The following NKAIN3 variants were observed in gnomAD, a reference collection of about 807,000 sequenced individuals.
NKAIN3 encodes the protein sodium/potassium transporting ATPase interacting 3.
A neutral mutation model predicts 30.2 loss-of-function variants in NKAIN3; 25 were observed. The ratio of observed to expected loss-of-function variants is 0.83; its 90% confidence interval spans 0.60 to 1.16. The LOEUF is 1.16. Among genes scored for constraint, NKAIN3 ranks in the 50% most tolerant of loss-of-function variants. The pLI is 0.00. For synonymous variants in NKAIN3, 91 were observed against 89.6 expected (o/e 1.02, Z -0.09); for missense variants, 225 against 254.1 (o/e 0.89, Z 0.78).
chr8:62,865,050 G>C (rs1337794337), intron 4 of NKAIN3, among the ~76,000 whole-genome samples: 1 of 152,120 alleles, frequency 6.6e-6, no homozygotes, highest in African/African-American at 2.4e-5. Flanking sequence ...GGAGAGTCCG[G>C]TTTACTGACC....
chr8:62,499,887 C>A (rs1287655100), intron 1 of NKAIN3, among the ~76,000 whole-genome samples: 2 of 151,204 alleles, frequency 1.3e-5, no homozygotes, highest in Non-Finnish European at 2.9e-5. Context: ...GTGTCCTTGT[C>A]ACAACAACAA....
At chr8:62,431,607 T>A (rs140292810) in intron 1 of NKAIN3, among the ~76,000 whole-genome samples, 5 of 151,866 alleles carry the variant, frequency 3.3e-5, no homozygotes, top group Non-Finnish European at 7.4e-5. Context: ...ATGAACCAAA[T>A]AACATCTTTG....
intron 1 of NKAIN3, among the ~76,000 whole-genome samples, chr8:62,530,289 C>T (rs1248783742): frequency 7.2e-5 from 11 of 152,182 alleles, no homozygotes; most frequent in South Asian, 2.1e-4. Context: ...ATTTCCTACA[C>T]GACTTCAATT....
chr8:62,596,291 G>T (rs1022848592), intron 3 of NKAIN3, among the ~76,000 whole-genome samples: 1 of 151,978 alleles, frequency 6.6e-6, no homozygotes, highest in Non-Finnish European at 1.5e-5. Context: ...CTCCATACTA[G>T]GGGTCCTTCT....
At chr8:62,666,913 A>C (rs1813122250) in intron 3 of NKAIN3, among the ~76,000 whole-genome samples, 1 of 152,120 alleles carries the variant, frequency 6.6e-6, no homozygotes, top group Non-Finnish European at 1.5e-5. Flanking sequence ...TCTGATGCAC[A>C]TGCCCAATTA....
At position 62,974,306 on chromosome 8, in the gene NKAIN3, T is replaced by C. The variant is rs1474003042; in HGVS notation, c.*8899T>C. Among the ~76,000 whole-genome samples the C allele has an allele frequency of 6.6e-6, 1 of 152,180 alleles. No individual in the cohort carries two copies. The highest frequency in any genetic ancestry group is 1.5e-5 in the Non-Finnish European group (1 of 68,022). ...TCTTCCTATCCATGAGCATGGAATG[T>C]TTTTCCATTTGTTTGTGTCCTCTCT... On this transcript the variant is annotated 3_prime_UTR_variant, in exon 7 of 7. Transcript: ENST00000623646.
chr8:62,793,265 C>T (rs550516860), intron 4 of NKAIN3, among the ~76,000 whole-genome samples: 1 of 152,058 alleles, frequency 6.6e-6, no homozygotes, highest in South Asian at 2.1e-4. Context: ...ATGATCCCCA[C>T]CCTGCCTTCC....
chr8:62,511,659 C>T (rs1807817559), intron 1 of NKAIN3, among the ~76,000 whole-genome samples: 1 of 152,166 alleles, frequency 6.6e-6, no homozygotes, highest in South Asian at 2.1e-4. Context: ...CTCCCTCTTG[C>T]TTTCTCTACC....
At chr8:62,513,639 T>A (rs1807882310) in intron 1 of NKAIN3, among the ~76,000 whole-genome samples, 1 of 151,710 alleles carries the variant, frequency 6.6e-6, no homozygotes, top group Admixed American at 6.6e-5. Context: ...GAGGCTGAAG[T>A]GGACAGATAC....
chr8:62,581,471 T>C (rs1428713918), intron 2 of NKAIN3, among the ~76,000 whole-genome samples: 13 of 152,238 alleles, frequency 8.5e-5, no homozygotes, highest in Admixed American at 5.2e-4. Flanking sequence ...TTTTACCCTC[T>C]AAATGTTAAC....
intron 4 of NKAIN3, among the ~76,000 whole-genome samples, chr8:62,770,755 TA>T (rs911258443): frequency 6.8e-6 from 1 of 147,186 alleles, no homozygotes; most frequent in Non-Finnish European, 1.5e-5. Flanking sequence ...CAGCCCAGGA[TA>T]AAAAATAAAA....
Position 62,287,735 on chromosome 8 carries a change from G to T in NKAIN3, c.54+38608G>T, listed in dbSNP as rs1355624693. Among the ~76,000 whole-genome samples, 3 of 151,992 alleles carry T rather than the reference G, an allele frequency of 2.0e-5. No homozygotes were observed. The East Asian group carries it at 5.8e-4, about 29-fold the overall frequency. On this transcript the variant is annotated intron_variant, in intron 1 of 6. Coordinates refer to ENST00000623646, the MANE Select transcript of NKAIN3 (RefSeq NM_001304533.3). The stretch of plus-strand genomic sequence containing the variant: ...AATTTTAGCCTATTAAAATATTCTG[G>T]TGTCTCATAGCCTACAGAAAAAGTG...
At chr8:62,703,064 A>G (rs1383952144) in intron 3 of NKAIN3, among the ~76,000 whole-genome samples, 1 of 152,196 alleles carries the variant, frequency 6.6e-6, no homozygotes, top group Non-Finnish European at 1.5e-5. Flanking sequence ...GAGCACTATT[A>G]GAGTAATATA....
chr8:62,615,756 G>A (rs1460010522), intron 3 of NKAIN3, among the ~76,000 whole-genome samples: 1 of 152,120 alleles, frequency 6.6e-6, no homozygotes, highest in Non-Finnish European at 1.5e-5. Flanking sequence ...TAACAAGACA[G>A]CACTGAGTTC....
chr8:62,912,489 A>G (rs1015106595), intron 4 of NKAIN3, among the ~76,000 whole-genome samples: 1 of 152,238 alleles, frequency 6.6e-6, no homozygotes, highest in African/African-American at 2.4e-5. Context: ...GACTCTTAAA[A>G]TATCACTTAG....
intron 1 of NKAIN3, among the ~76,000 whole-genome samples, chr8:62,341,120 A>C (rs138819060): frequency 6.6e-6 from 1 of 152,070 alleles, no homozygotes; most frequent in South Asian, 2.1e-4. Context: ...GGGACAGCTC[A>C]CTTTCTAGCC....
chr8:62,487,386 G>A (rs1195804635), intron 1 of NKAIN3, among the ~76,000 whole-genome samples: 2 of 152,142 alleles, frequency 1.3e-5, no homozygotes, highest in Non-Finnish European at 2.9e-5. Flanking sequence ...GGCAGTAGTT[G>A]GAACCTTAAA....
At chr8:62,749,705 G>A (rs1367548905) in intron 4 of NKAIN3, among the ~76,000 whole-genome samples, 6 of 114,112 alleles carry the variant, frequency 5.3e-5, no homozygotes, top group African/African-American at 1.5e-4. Flanking sequence ...TTTTTAAGAC[G>A]GAGTTTTGCT....
At chr8:62,296,802 TTTC>T (rs1813845357) in intron 1 of NKAIN3, among the ~76,000 whole-genome samples, 1 of 152,122 alleles carries the variant, frequency 6.6e-6, no homozygotes, top group African/African-American at 2.4e-5. Flanking sequence ...ATGCAGCCAG[TTTC>T]TTCTTCATTG....
Sources: allele counts gnomAD v4.1 joint callset (sites outside exome capture counted in the v4.1 genomes callset), GRCh38; gene constraint gnomAD v4.1.1; transcripts MANE v1.5; gene names NCBI Gene and HGNC (gene_info 2026-07-23, HGNC 2026-07-21).